Variants in GRIN2B observed in about 807,000 individuals in gnomAD.
The protein encoded by GRIN2B is glutamate ionotropic receptor NMDA type subunit 2B, also known as glutamate receptor ionotropic, NMDA 2B.
A neutral mutation model predicts 114.5 loss-of-function variants in GRIN2B; 5 were observed. The ratio of observed to expected loss-of-function variants is 0.04; its 90% CI spans 0.02 to 0.09. GRIN2B has a LOEUF of 0.09. GRIN2B is among the 10% of genes least tolerant of loss of function. The pLI is 1.00. For missense variants in GRIN2B, 1,108 were observed against 1,943.5 expected (o/e 0.57, Z 8.08); for synonymous variants, 787 against 745.1 (o/e 1.06, Z -0.92).
chr12:13,605,551 T>TCTCTCTCTCACACACACACA, intron 10 of GRIN2B, among the ~76,000 whole-genome samples: 3 of 30,500 alleles, frequency 9.8e-5, no homozygotes, highest in Admixed American at 3.8e-4. Flanking sequence ...TCTCTCTCTC[T>TCTCTCTCTCACACACACACA]GACACACACA....
chr12:13,961,096 T>TTA (rs1867682921), intron 2 of GRIN2B, among the ~76,000 whole-genome samples: 1 of 151,898 alleles, frequency 6.6e-6, no homozygotes, highest in African/African-American at 2.4e-5. Context: ...TTTTTTTTTT[T>TTA]ATCTGCCCTT....
chr12:13,564,176 T>C lies in GRIN2B; in HGVS notation c.3062A>G (p.Lys1021Arg). 6.2e-7 allele frequency: 1 copy of C among 1,614,116 alleles called. No individual in the cohort carries two copies. Among genetic ancestry groups the C allele is most frequent in the South Asian group, 1.1e-5 (1 of 91,080 alleles). Reference protein sequence around the residue: ...FTTQSRSISKKPLDIGLPSSK... With the variant: ...FTTQSRSISKRPLDIGLPSSK... ...GGAGGGGAGGCCGATGTCCAGGGGC[T>C]TCTTGCTGATGGACCTGGACTGGGT... The change falls in exon 14 of 14, where the codon AAG (lysine) becomes AGG (arginine). Residue 1021 changes from lysine (K) to arginine (R), a missense_variant. Physicochemically the swap from Lys to Arg is conservative, Grantham distance 26. Transcript: ENST00000609686. The surrounding 1 kb of genome is among the most constrained non-coding windows in gnomAD (Gnocchi z 4.8).
At chr12:13,717,304 T>TA (rs1031340500) in intron 4 of GRIN2B, among the ~76,000 whole-genome samples, 16 of 150,894 alleles carry the variant, frequency 1.1e-4, no homozygotes, top group Admixed American at 7.3e-4. Flanking sequence ...TTCTGGGTAA[T>TA]AAAAAAACAA....
intron 2 of GRIN2B, among the ~76,000 whole-genome samples, chr12:13,951,231 A>G (rs1293241455): frequency 1.3e-5 from 2 of 152,186 alleles, no homozygotes; most frequent in Non-Finnish European, 2.9e-5. Context: ...GTTCTAATTC[A>G]CTAAATCTGA....
chr12:13,620,639 A>G (rs1949501118), intron 5 of GRIN2B, among the ~76,000 whole-genome samples: 1 of 152,196 alleles, frequency 6.6e-6, no homozygotes, highest in Admixed American at 6.5e-5. Flanking sequence ...GACTGTAAAC[A>G]CATTTCTAAA....
At chr12:13,710,846 T>G (rs1375111002) in intron 4 of GRIN2B, among the ~76,000 whole-genome samples, 1 of 152,082 alleles carries the variant, frequency 6.6e-6, no homozygotes, top group African/African-American at 2.4e-5. Flanking sequence ...AAGCTACCAA[T>G]GACTTTCTTC....
At chr12:13,744,086 C>T (rs1033285041) in intron 4 of GRIN2B, among the ~76,000 whole-genome samples, 4 of 152,198 alleles carry the variant, frequency 2.6e-5, no homozygotes, top group Admixed American at 6.5e-5. Flanking sequence ...TTCCCTCCTT[C>T]GCCCAAACAA....
intron 5 of GRIN2B, among the ~76,000 whole-genome samples, chr12:13,662,764 T>C (rs929885446): frequency 2.1e-4 from 32 of 152,190 alleles, no homozygotes; most frequent in Non-Finnish European, 3.4e-4. Context: ...ATCAGGTAAT[T>C]AAGAATCTTC....
chr12:13,830,487 A>G (rs968158334), intron 3 of GRIN2B, among the ~76,000 whole-genome samples: 5 of 152,214 alleles, frequency 3.3e-5, no homozygotes, highest in African/African-American at 1.2e-4. Flanking sequence ...ATAGTAGGAG[A>G]AAAAAACAAA....
At chr12:13,652,955 A>G (rs1949829600) in intron 5 of GRIN2B, among the ~76,000 whole-genome samples, 1 of 152,138 alleles carries the variant, frequency 6.6e-6, no homozygotes, top group Non-Finnish European at 1.5e-5. Flanking sequence ...TCACTGGAGC[A>G]CTATTGCAGA....
chr12:13,791,987 A>G (rs181041767), intron 3 of GRIN2B, among the ~76,000 whole-genome samples: 52 of 152,284 alleles, frequency 3.4e-4, no homozygotes, highest in African/African-American at 1.2e-3. Flanking sequence ...GCCTCTGGTC[A>G]CAACTAATCT....
intron 10 of GRIN2B, among the ~76,000 whole-genome samples, chr12:13,597,583 A>G (rs1437030267): frequency 1.3e-5 from 2 of 152,348 alleles, no homozygotes; most frequent in Admixed American, 6.5e-5. Flanking sequence ...GACAAGGGGT[A>G]GCCAATAGGA....
intron 2 of GRIN2B, among the ~76,000 whole-genome samples, chr12:13,915,762 T>TGA (rs914542451): frequency 2.0e-5 from 3 of 152,146 alleles, no homozygotes; most frequent in African/African-American, 7.2e-5. Context: ...AAAGTCCATC[T>TGA]GAAGCCACTC....
At chr12:13,756,040 C>G (rs766588542) in intron 3 of GRIN2B, among the ~76,000 whole-genome samples, 10 of 152,080 alleles carry the variant, frequency 6.6e-5, no homozygotes, top group South Asian at 2.1e-4. Flanking sequence ...TTTATCCCCC[C>G]AGAGTCTCAC....
At chr12:13,705,929 C>T (rs986484378) in intron 4 of GRIN2B, among the ~76,000 whole-genome samples, 1 of 152,090 alleles carries the variant, frequency 6.6e-6, no homozygotes, top group Non-Finnish European at 1.5e-5. Flanking sequence ...CATTTGCTAT[C>T]CATGCCCACA....
intron 2 of GRIN2B, among the ~76,000 whole-genome samples, chr12:13,875,263 C>T (rs963404818): frequency 5.9e-5 from 9 of 152,182 alleles, no homozygotes; most frequent in African/African-American, 1.9e-4. Context: ...CTGTGGCTCA[C>T]GCCTTTAGTA....
At chr12:13,980,377 G>C (rs1863109684) in intron 1 of GRIN2B, 21 bp from the exon 2 acceptor site, 1 of 152,200 alleles carries the variant, frequency 6.6e-6, no homozygotes, top group South Asian at 2.1e-4. Flanking sequence ...AAAAGAGGCG[G>C]TCAGGGCTTG....
At chr12:13,575,131 T>C (rs1244412675) in intron 10 of GRIN2B, among the ~76,000 whole-genome samples, 1 of 152,210 alleles carries the variant, frequency 6.6e-6, no homozygotes, top group African/African-American at 2.4e-5. Flanking sequence ...TTTGTAATCT[T>C]GAGTTAGACA....
At position 13,544,295 on chromosome 12, in the gene GRIN2B, A is replaced by G. The variant is rs1457748233; in HGVS notation, c.*18488T>C. 10 of 152,078 alleles carry G rather than the reference A, an allele frequency of 6.6e-5. No homozygotes were observed. Among genetic ancestry groups the G allele is most frequent in the Non-Finnish European group, 1.5e-4 (10 of 68,066 alleles). The allele number at this position is 152,078 out of a possible 1,614,324, so 9.4% of individuals were successfully genotyped here. On this transcript the variant is annotated 3_prime_UTR_variant, in exon 14 of 14. Coordinates refer to ENST00000609686, the MANE Select transcript of GRIN2B (RefSeq NM_000834.5). Reference sequence around the variant, plus strand: ...TTTCCAGATAGTCTTATCCTACTCAATAATAGTACTTGCTTTACCCATTAA... The same window carrying G: ...TTTCCAGATAGTCTTATCCTACTCAGTAATAGTACTTGCTTTACCCATTAA...
Sources: allele counts gnomAD v4.1 joint callset (sites outside exome capture counted in the v4.1 genomes callset), GRCh38; gene constraint gnomAD v4.1.1; non-coding constraint Gnocchi (gnomAD v3.1); transcripts MANE v1.5; gene names NCBI Gene and HGNC (gene_info 2026-07-23, HGNC 2026-07-21).